COLGALT1: variants seen among roughly 807,000 people sequenced by gnomAD.
COLGALT1 encodes the protein collagen beta(1-O)galactosyltransferase 1, also known as procollagen galactosyltransferase 1.
Under a neutral mutation model 60.8 loss-of-function variants are expected in COLGALT1, and 43 were observed. The ratio of observed to expected loss-of-function variants is 0.71; its 90% CI spans 0.55 to 0.91. The LOEUF (loss-of-function observed/expected upper bound fraction) is 0.91. Ranked by LOEUF, COLGALT1 falls within the 40% of genes least tolerant of loss-of-function variation. The probability of loss-of-function intolerance (pLI) is 0.00; values close to 1 mark genes in which losing one functional copy is unlikely to be tolerated. For missense variants in COLGALT1, 845 were observed against 880.0 expected (o/e 0.96, Z 0.50); for synonymous variants, 369 against 374.2 (o/e 0.99, Z 0.16).
At chr19:17,563,865 TAA>T (rs2076263988) in intron 3 of COLGALT1, among the ~76,000 whole-genome samples, 1 of 151,726 alleles carries the variant, frequency 6.6e-6, no homozygotes, top group Admixed American at 6.7e-5. Flanking sequence ...TCTAATGTTT[TAA>T]AATGATTGTT....
rs138583714 is a variant in COLGALT1, at chr19:17,568,642, A to G, written c.758A>G (p.Tyr253Cys). The change falls in exon 5 of 12, where the codon TAC (tyrosine) becomes TGC (cysteine). Residue 253 changes from tyrosine to cysteine, a missense_variant. Transcript: ENST00000252599. ...RKAASRNLAF[Y>C]PPHPDYTWSF... is the part of the protein sequence containing the mutation. ...GCGGCGTCCAGGAACCTGGCCTTCT[A>G]CCCACCTCACCCTGACTACACCTGG... 1.7e-5 allele frequency: 27 copies of G among 1,614,016 alleles called. No homozygotes were observed. In the African/African-American group the frequency reaches 3.2e-4, roughly 19 times the overall value.
intron 8 of COLGALT1, 75 bp from the exon 9 acceptor site, chr19:17,577,882 T>C: frequency 6.5e-7 from 1 of 1,536,646 alleles, no homozygotes; most frequent in East Asian, 2.3e-5. Context: ...CCGCAGGGGG[T>C]GGTGGAATGG....
At chr19:17,559,836 G>A (rs142423587) in intron 2 of COLGALT1, among the ~76,000 whole-genome samples, 11 of 151,986 alleles carry the variant, frequency 7.2e-5, no homozygotes, top group Non-Finnish European at 1.3e-4. Context: ...CACCCAGGCT[G>A]GAGTGCAGTG....
intron 3 of COLGALT1, 23 bp downstream of exon 3, chr19:17,560,488 T>C: frequency 6.3e-7 from 1 of 1,591,140 alleles, no homozygotes; most frequent in Admixed American, 1.7e-5. Flanking sequence ...GCCGGCCGGA[T>C]ATGGATCACA....
At chr19:17,559,442 C>T (rs1204750011) in intron 2 of COLGALT1, 21 bp downstream of exon 2, 1 of 1,532,128 alleles carries the variant, frequency 6.5e-7, no homozygotes, top group Non-Finnish European at 8.9e-7. Flanking sequence ...TTCCCCTGCT[C>T]CTAGTCTGAT....
chr19:17,568,224 C>G (rs886726823), intron 4 of COLGALT1, among the ~76,000 whole-genome samples: 10 of 152,166 alleles, frequency 6.6e-5, no homozygotes, highest in Non-Finnish European at 4.4e-5. Flanking sequence ...TGAGAGTGAT[C>G]CCAGCAGCGT....
Position 17,582,611 on chromosome 19 carries a change from A to G in COLGALT1, c.*1167A>G, listed in dbSNP as rs759298493. On this transcript the variant is annotated 3_prime_UTR_variant, in exon 12 of 12. Coordinates refer to ENST00000252599, the MANE Select transcript of COLGALT1 (RefSeq NM_024656.4). ...ATCGGTTCCTTCACTTCTTCATGCC[A>G]CAAGTGTTTATTGAGCACCTGTGTG... 2.0e-5 allele frequency: 3 copies of G among 152,178 alleles called. No homozygotes were observed. The highest frequency in any genetic ancestry group is 6.5e-5 in the Admixed American group (1 of 15,268). 9.4% of individuals were successfully genotyped at this position (152,178 alleles called of 1,614,324 possible).
At chr19:17,556,633 C>T (rs924100588) in intron 1 of COLGALT1, 6 of 677,232 alleles carry the variant, frequency 8.9e-6, no homozygotes, top group African/African-American at 5.9e-5. Context: ...AAAATGGGTC[C>T]GGGTGCAGTG....
rs1158037909 is a variant in COLGALT1, at chr19:17,559,218, G to C, written c.261-93G>C. ...TCCAGGGATACATAGCTGGTGGGAG[G>C]CCAGTTGGGGATGGTGGTCCTTGAC... On this transcript the variant is annotated intron_variant, in intron 1 of 11. Coordinates refer to ENST00000252599, the MANE Select transcript of COLGALT1 (RefSeq NM_024656.4). The C allele has an allele frequency of 4.9e-6, 4 of 823,872 alleles. No homozygotes were observed. The African/African-American group carries it at 6.8e-5, about 14-fold the overall frequency. 51.0% of individuals were successfully genotyped at this position (823,872 alleles called of 1,614,324 possible).
intron 9 of COLGALT1, among the ~76,000 whole-genome samples, 169 bp from the exon 10 acceptor site, chr19:17,579,313 C>T (rs570260099): frequency 9.3e-4 from 141 of 151,642 alleles, no homozygotes; most frequent in African/African-American, 3.1e-3. Flanking sequence ...CCATTATGGA[C>T]GGCAGAGGGC....
chr19:17,580,374 C>A (rs190679728), intron 10 of COLGALT1: 8 of 438,984 alleles, frequency 1.8e-5, no homozygotes, highest in East Asian at 9.3e-5. Context: ...ACTGCCCCCC[C>A]ATCAGGGCAC....
intron 4 of COLGALT1, among the ~76,000 whole-genome samples, chr19:17,568,139 T>G (rs1236417276): frequency 6.6e-6 from 1 of 152,132 alleles, no homozygotes; most frequent in Non-Finnish European, 1.5e-5. Context: ...GGATGGGACT[T>G]CAGGCATGGC....
intron 10 of COLGALT1, 48 bp from the exon 11 acceptor site, chr19:17,580,651 C>A: frequency 6.3e-7 from 1 of 1,598,156 alleles, no homozygotes; most frequent in Non-Finnish European, 8.6e-7. Flanking sequence ...TGGGCAAGCT[C>A]CCTCCGGAGG....
intron 5 of COLGALT1, among the ~76,000 whole-genome samples, chr19:17,570,026 C>T (rs567374173): frequency 2.0e-5 from 3 of 151,710 alleles, no homozygotes; most frequent in Admixed American, 6.6e-5. Context: ...TTCCGCGTAG[C>T]TGGGACTACA....
At chr19:17,579,714 TG>T (rs2076367454) in intron 10 of COLGALT1, 105 bp downstream of exon 10, 2 of 1,363,118 alleles carry the variant, frequency 1.5e-6, no homozygotes, top group African/African-American at 1.5e-5. Context: ...GGATGGGTCA[TG>T]GCTTAGAGGC....
chr19:17,569,170 C>G (rs1205507303), intron 5 of COLGALT1, among the ~76,000 whole-genome samples: 6 of 152,040 alleles, frequency 3.9e-5, no homozygotes, highest in Non-Finnish European at 8.8e-5. Flanking sequence ...CGAGATCATG[C>G]CACTGCACTC....
chr19:17,578,223 C>G, intron 9 of COLGALT1, 134 bp downstream of exon 9: 1 of 923,692 alleles, frequency 1.1e-6, no homozygotes, highest in Non-Finnish European at 1.5e-6. Context: ...CCCATGGCCT[C>G]TCTTTAGTGA....
chr19:17,577,222 G>A lies in COLGALT1; in HGVS notation c.977G>A (p.Arg326His). The change falls in exon 7 of 12, where the codon CGC becomes CAC. Residue 326 changes from arginine to histidine, a missense_variant. Transcript: ENST00000252599. ...AAGCACCCGCCCGCAGAGCCCTCCC[G>A]CTTCATCTCGGCTCCCACCAAGACA... is the stretch of plus-strand genomic sequence containing the variant. ...MVKHPPAEPS[R>H]FISAPTKTPD... 1 of 1,583,664 alleles carries A rather than the reference G, an allele frequency of 6.3e-7. No homozygotes were observed. The highest frequency in any genetic ancestry group is 8.6e-7 in the Non-Finnish European group (1 of 1,167,844).
chr19:17,564,990 T>G (rs1388499239), intron 3 of COLGALT1, among the ~76,000 whole-genome samples: 1 of 152,134 alleles, frequency 6.6e-6, no homozygotes, highest in Non-Finnish European at 1.5e-5. Flanking sequence ...GTTTCGTGTC[T>G]GGTTTCTCTC....
Sources: allele counts gnomAD v4.1 joint callset (sites outside exome capture counted in the v4.1 genomes callset), GRCh38; gene constraint gnomAD v4.1.1; transcripts MANE v1.5; gene names NCBI Gene and HGNC (gene_info 2026-07-23, HGNC 2026-07-21).